The following SPMIP4 variants were observed in gnomAD, a reference collection of about 807,000 sequenced individuals.
The protein encoded by SPMIP4 is sperm-associated microtubule inner protein 4.
chr7:25,162,927 G>A, the SPMIP4 span, among the ~76,000 whole-genome samples: 4 of 151,990 alleles, frequency 2.6e-5, no homozygotes, highest in Non-Finnish European at 2.9e-5. Context: ...ACCCGCCATC[G>A]TGCCCGGCTA....
the SPMIP4 span, among the ~76,000 whole-genome samples, chr7:25,147,998 C>T: frequency 5.9e-5 from 9 of 152,148 alleles, no homozygotes; most frequent in South Asian, 8.3e-4. Context: ...ATACGGTTCC[C>T]GGAGTTTTCT....
At chr7:25,168,270 T>G in the SPMIP4 span, 1 of 1,585,496 alleles carries the variant, frequency 6.3e-7, no homozygotes, top group Non-Finnish European at 8.5e-7. Flanking sequence ...TTTCTGTGAA[T>G]GGCAGAAAGT....
At chr7:25,167,939 G>A in the SPMIP4 span, among the ~76,000 whole-genome samples, 4 of 152,214 alleles carry the variant, frequency 2.6e-5, no homozygotes, top group East Asian at 7.7e-4. Flanking sequence ...CAAAAAGACT[G>A]ACAAATTACA....
At chr7:25,142,927 GTT>G in the SPMIP4 span, 14 of 632,140 alleles carry the variant, frequency 2.2e-5, no homozygotes, top group Non-Finnish European at 2.9e-5. Flanking sequence ...CGTCAGAATG[GTT>G]TTTTTTTTGT....
the SPMIP4 span, chr7:25,179,098 T>G: frequency 7.1e-7 from 1 of 1,413,320 alleles, no homozygotes; most frequent in Non-Finnish European, 9.6e-7. Flanking sequence ...ACAATAAATG[T>G]TTTTCCTCAC....
chr7:25,157,865 T>A, the SPMIP4 span, among the ~76,000 whole-genome samples: 2 of 152,204 alleles, frequency 1.3e-5, no homozygotes, highest in Non-Finnish European at 2.9e-5. Flanking sequence ...TTGTGACAAA[T>A]GTGCCATATT....
At chr7:25,179,254 T>C in the SPMIP4 span, 66 of 1,613,842 alleles carry the variant, frequency 4.1e-5, no homozygotes, top group South Asian at 6.9e-4. Context: ...TTGGACAGTA[T>C]GTCAGCTCCT....
the SPMIP4 span, among the ~76,000 whole-genome samples, chr7:25,140,959 A>G: frequency 6.6e-6 from 1 of 152,224 alleles, no homozygotes; most frequent in African/African-American, 2.4e-5. Flanking sequence ...CACAATTTAT[A>G]TACCTTTAAA....
At chr7:25,149,814 G>A in the SPMIP4 span, among the ~76,000 whole-genome samples, 1 of 152,122 alleles carries the variant, frequency 6.6e-6, no homozygotes, top group East Asian at 1.9e-4. Context: ...AAATTTACAG[G>A]ACAGATTTTT....
the SPMIP4 span, chr7:25,179,252 T>C: frequency 3.7e-6 from 6 of 1,613,714 alleles, no homozygotes; most frequent in Non-Finnish European, 5.1e-6. Flanking sequence ...TGTTGGACAG[T>C]ATGTCAGCTC....
chr7:25,158,411 C>CACT, the SPMIP4 span: 3 of 786,442 alleles, frequency 3.8e-6, no homozygotes, highest in East Asian at 8.5e-5. Context: ...TGGGAAGTCT[C>CACT]ACTTGTTTTC....
chr7:25,131,080 G>A, the SPMIP4 span, among the ~76,000 whole-genome samples: 2 of 152,148 alleles, frequency 1.3e-5, no homozygotes, highest in African/African-American at 4.8e-5. The surrounding 1 kb of genome is among the most constrained non-coding windows in gnomAD (Gnocchi z 4.2). Context: ...GCACATTACT[G>A]CCTGAGCTCC....
the SPMIP4 span, chr7:25,179,210 G>A: frequency 6.2e-7 from 1 of 1,612,838 alleles, no homozygotes; most frequent in Admixed American, 1.7e-5. Flanking sequence ...TAACCGTCTG[G>A]AGGGGGTTGT....
the SPMIP4 span, among the ~76,000 whole-genome samples, chr7:25,178,875 C>T: frequency 2.0e-5 from 3 of 152,070 alleles, no homozygotes; most frequent in Admixed American, 6.5e-5. Context: ...CCTGTCTCTA[C>T]TAAAAATGCA....
At chr7:25,166,993 A>C in the SPMIP4 span, among the ~76,000 whole-genome samples, 34 of 152,260 alleles carry the variant, frequency 2.2e-4, no homozygotes, top group African/African-American at 7.5e-4. Context: ...ATCATGCACA[A>C]ATATCATTTT....
chr7:25,168,689 T>C, the SPMIP4 span, among the ~76,000 whole-genome samples: 2 of 152,044 alleles, frequency 1.3e-5, no homozygotes, highest in Non-Finnish European at 2.9e-5. Context: ...ATTATCCTTT[T>C]TTTGGTCATC....
At chr7:25,132,797 AG>A in the SPMIP4 span, among the ~76,000 whole-genome samples, 1 of 152,218 alleles carries the variant, frequency 6.6e-6, no homozygotes, top group Non-Finnish European at 1.5e-5. This position sits in a 1 kb window ranked among gnomAD's most constrained non-coding sequence, Gnocchi z 5.0. Context: ...GTATAACAAA[AG>A]TAAGTTTAGT....
the SPMIP4 span, among the ~76,000 whole-genome samples, chr7:25,157,201 T>G: frequency 3.9e-5 from 6 of 152,126 alleles, no homozygotes; most frequent in African/African-American, 1.4e-4. Flanking sequence ...AAGCACAAAA[T>G]AAATTTCCAT....
chr7:25,170,647 G>A, the SPMIP4 span, among the ~76,000 whole-genome samples: 1 of 152,184 alleles, frequency 6.6e-6, no homozygotes, highest in East Asian at 1.9e-4. Context: ...TTTCTTCTAA[G>A]TATCTTACAG....
Sources: gnomAD v4.1 joint callset for allele counts (sites outside exome capture counted in the v4.1 genomes callset) on GRCh38, gnomAD v4.1.1 for gene constraint, Gnocchi (gnomAD v3.1) non-coding constraint, MANE v1.5 for transcripts, NCBI Gene and HGNC (gene_info 2026-07-23, HGNC 2026-07-21) for gene names.